Variants in TTLL11 observed in about 807,000 individuals in gnomAD.
TTLL11 encodes tubulin polyglutamylase TTLL11.
Under a neutral mutation model 51.7 loss-of-function variants are expected in TTLL11, and 42 were observed. That is an observed-to-expected ratio of 0.81 (90% confidence interval 0.64 to 1.05). TTLL11 has a LOEUF of 1.05. TTLL11 is among the 50% of genes least tolerant of loss of function. The pLI, the probability that TTLL11 is intolerant of heterozygous loss-of-function variation, is 0.00. For synonymous variants in TTLL11, 381 were observed against 383.5 expected, an observed-to-expected ratio of 0.99 and a Z score of 0.08; for missense variants, 799 against 940.4, an observed-to-expected ratio of 0.85 and a Z score of 1.97.
chr9:121,820,987 C>T lies in TTLL11; in HGVS notation c.*1600G>A, dbSNP rs1836561902. Among the ~76,000 whole-genome samples the T allele has an allele frequency of 6.6e-6, 1 of 151,850 alleles. No homozygotes were observed. Among genetic ancestry groups the T allele is most frequent in the Admixed American group, 6.6e-5 (1 of 15,232 alleles). ...CCACACCGTGGGGGAAACAGGTTTTCCTCTTTGAGAGGGTGAACTCCTGGC... is the reference window on the plus strand; with the variant it reads ...CCACACCGTGGGGGAAACAGGTTTTTCTCTTTGAGAGGGTGAACTCCTGGC... On this transcript the variant is annotated 3_prime_UTR_variant, in exon 9 of 9. Transcript: ENST00000321582.
intron 8 of TTLL11, among the ~76,000 whole-genome samples, chr9:121,827,233 C>A (rs1000412851): frequency 1.3e-5 from 2 of 151,984 alleles, no homozygotes; most frequent in Non-Finnish European, 2.9e-5. Context: ...GTAAAGGGAC[C>A]CTTCTCCCCT....
At chr9:122,038,305 C>A (rs950724253) in intron 2 of TTLL11, among the ~76,000 whole-genome samples, 1 of 152,118 alleles carries the variant, frequency 6.6e-6, no homozygotes, top group Non-Finnish European at 1.5e-5. Context: ...CTCCTTCTCC[C>A]TAAGCTGTCC....
At chr9:121,942,394 A>C (rs146888065) in intron 6 of TTLL11, among the ~76,000 whole-genome samples, 1 of 152,172 alleles carries the variant, frequency 6.6e-6, no homozygotes, top group Non-Finnish European at 1.5e-5. Flanking sequence ...TTGGCCCTTC[A>C]CTGTTGACTT....
At chr9:121,978,767 T>C (rs1169136896) in intron 4 of TTLL11, among the ~76,000 whole-genome samples, 2 of 152,178 alleles carry the variant, frequency 1.3e-5, no homozygotes, top group Non-Finnish European at 2.9e-5. Context: ...TATAAATTTA[T>C]GCAAAGGTTC....
intron 8 of TTLL11, among the ~76,000 whole-genome samples, chr9:121,825,489 G>A (rs1428610011): frequency 6.6e-6 from 1 of 152,192 alleles, no homozygotes; most frequent in Non-Finnish European, 1.5e-5. Context: ...TAGTATAATA[G>A]CACGTCTTCC....
chr9:121,845,459 C>T (rs957767586), intron 8 of TTLL11, among the ~76,000 whole-genome samples: 1 of 152,010 alleles, frequency 6.6e-6, no homozygotes. Context: ...CTCAGATCTA[C>T]ATAAAGAAAG....
intron 8 of TTLL11, among the ~76,000 whole-genome samples, chr9:121,838,725 A>T (rs1837253360): frequency 2.0e-5 from 3 of 151,832 alleles, no homozygotes; most frequent in Non-Finnish European, 4.4e-5. Context: ...TCAAGAAAGA[A>T]AGAAAAGAAA....
chr9:121,973,153 G>A (rs921226076), intron 6 of TTLL11, among the ~76,000 whole-genome samples: 4 of 152,164 alleles, frequency 2.6e-5, no homozygotes, highest in African/African-American at 9.7e-5. Flanking sequence ...CATTTCTGGG[G>A]TGATTTCATG....
intron 3 of TTLL11, among the ~76,000 whole-genome samples, chr9:121,993,074 G>C (rs914760035): frequency 6.6e-6 from 1 of 152,108 alleles, no homozygotes; most frequent in Admixed American, 6.5e-5. Context: ...GGTACCTAGA[G>C]CAGTCAAATT....
At chr9:122,023,133 G>A (rs1844225901) in intron 3 of TTLL11, among the ~76,000 whole-genome samples, 1 of 151,856 alleles carries the variant, frequency 6.6e-6, no homozygotes, top group Non-Finnish European at 1.5e-5. Flanking sequence ...GGTATCATTA[G>A]TAAAGGTAAA....
At chr9:121,900,921 G>A (rs561911630) in intron 6 of TTLL11, among the ~76,000 whole-genome samples, 10 of 152,122 alleles carry the variant, frequency 6.6e-5, no homozygotes, top group African/African-American at 9.6e-5. Flanking sequence ...TGGTCCTCCC[G>A]CCTCAGCCTC....
chr9:121,922,608 A>ATTC lies in TTLL11; in HGVS notation c.1481+51400_1481+51401insGAA, dbSNP rs1840582919. Among the ~76,000 whole-genome samples, 7 of 152,244 alleles carry ATTC rather than the reference A, an allele frequency of 4.6e-5. No individual in the cohort carries two copies. The South Asian group carries it at 1.2e-3, about 27-fold the overall frequency. Reference sequence around the variant, plus strand: ...AAAGGGTAAAATGGATTTTTTTCTCACTTGGAAGAAATGACTCCAATTCTG... The same window carrying ATTC: ...AAAGGGTAAAATGGATTTTTTTCTCATTCCTTGGAAGAAATGACTCCAATTCTG... On this transcript the variant is annotated intron_variant, in intron 6 of 8. Coordinates refer to ENST00000321582, the MANE Select transcript of TTLL11 (RefSeq NM_001139442.2).
rs115989632 is a variant in TTLL11, at chr9:122,045,807, A to G, written c.463-6439T>C. 4.3e-3 allele frequency among the ~76,000 whole-genome samples: 661 copies of G among 152,312 alleles called. 3 individuals are homozygous for G. The highest frequency in any genetic ancestry group is 0.015 in the African/African-American group (618 of 41,564). ...ATGAGTCAGACACAAAAAGACAAAT[A>G]TCGTATGATTCTACTTATCTGAGGA... On this transcript the variant is annotated intron_variant, in intron 1 of 8. Transcript: ENST00000321582.
chr9:121,907,916 T>C (rs1217096366), intron 6 of TTLL11, among the ~76,000 whole-genome samples: 2 of 152,218 alleles, frequency 1.3e-5, no homozygotes, highest in African/African-American at 4.8e-5. Context: ...TGGAGTGACA[T>C]GGCCAAGATA....
intron 1 of TTLL11, among the ~76,000 whole-genome samples, chr9:122,067,619 C>T (rs1845621325): frequency 2.0e-5 from 3 of 152,206 alleles, no homozygotes; most frequent in Admixed American, 6.5e-5. Context: ...TCTTCTGCCT[C>T]AGTCTCCCGG....
intron 3 of TTLL11, among the ~76,000 whole-genome samples, chr9:122,003,679 GT>G (rs901773714): frequency 1.3e-5 from 2 of 150,436 alleles, no homozygotes; most frequent in African/African-American, 4.9e-5. Flanking sequence ...TAGAGACAGG[GT>G]TTCTCTATGT....
intron 1 of TTLL11, among the ~76,000 whole-genome samples, chr9:122,057,299 G>A (rs1845313445): frequency 6.7e-6 from 1 of 150,188 alleles, no homozygotes; most frequent in Non-Finnish European, 1.5e-5. Context: ...CTGCTGTAAG[G>A]TGACATGATT....
chr9:121,836,004 C>T (rs1313251796), intron 8 of TTLL11, among the ~76,000 whole-genome samples: 2 of 152,202 alleles, frequency 1.3e-5, no homozygotes, highest in South Asian at 4.1e-4. Flanking sequence ...CAACAACACC[C>T]AGAATGACAA....
chr9:121,963,900 T>C (rs991841876), intron 6 of TTLL11, among the ~76,000 whole-genome samples: 4 of 152,234 alleles, frequency 2.6e-5, no homozygotes, highest in African/African-American at 7.2e-5. Flanking sequence ...ATCTGAAACC[T>C]GAGACCTTTC....
Sources: gnomAD v4.1 joint callset for allele counts (sites outside exome capture counted in the v4.1 genomes callset) on GRCh38, gnomAD v4.1.1 for gene constraint, MANE v1.5 for transcripts, NCBI Gene and HGNC (gene_info 2026-07-23, HGNC 2026-07-21) for gene names.